SUMF1: variants seen among roughly 807,000 people sequenced by gnomAD.
SUMF1 encodes formylglycine-generating enzyme.
Under a neutral mutation model 47.6 loss-of-function variants are expected in SUMF1, and 48 were observed. That is an observed-to-expected ratio of 1.01 (90% CI 0.80 to 1.28). The LOEUF (loss-of-function observed/expected upper bound fraction) is 1.28. Among genes scored for constraint, SUMF1 ranks in the 50% most tolerant of loss-of-function variants. The pLI is 0.00. For missense variants in SUMF1, 571 were observed against 485.4 expected (o/e 1.18, Z -1.66); for synonymous variants, 230 against 192.1 (o/e 1.20, Z -1.63).
intron 8 of SUMF1, among the ~76,000 whole-genome samples, chr3:4,089,820 C>A (rs1049853894): frequency 4.9e-4 from 74 of 152,054 alleles, no homozygotes; most frequent in Admixed American, 4.1e-3. Context: ...TTAAGATACT[C>A]ATCACATTTC....
intron 8 of SUMF1, among the ~76,000 whole-genome samples, chr3:4,102,108 C>T (rs1434471362): frequency 6.6e-6 from 1 of 152,148 alleles, no homozygotes; most frequent in South Asian, 2.1e-4. Flanking sequence ...GTCCATCCCA[C>T]GATATGTGGA....
chr3:4,273,738 G>GGC (rs1270174136), intron 8 of SUMF1, among the ~76,000 whole-genome samples: 8 of 70,874 alleles, frequency 1.1e-4, no homozygotes, highest in East Asian at 3.2e-4. Context: ...CGGGAGGGAG[G>GGC]ATACGGGAGG....
intron 6 of SUMF1, among the ~76,000 whole-genome samples, chr3:4,416,032 T>A (rs1701700410): frequency 6.6e-6 from 1 of 152,200 alleles, no homozygotes; most frequent in Admixed American, 6.5e-5. Context: ...TCTGTAGTAT[T>A]TTCTTACAGT....
At chr3:4,142,458 G>A (rs1218783589) in intron 8 of SUMF1, among the ~76,000 whole-genome samples, 3 of 152,032 alleles carry the variant, frequency 2.0e-5, no homozygotes, top group Admixed American at 6.6e-5. Context: ...CAGTCTAATA[G>A]GGGATATCAT....
At chr3:4,071,279 C>T (rs529656406) in intron 8 of SUMF1, among the ~76,000 whole-genome samples, 1 of 152,204 alleles carries the variant, frequency 6.6e-6, no homozygotes, top group Non-Finnish European at 1.5e-5. Context: ...GAACCTGGTT[C>T]ATCTCATTGA....
intron 8 of SUMF1, among the ~76,000 whole-genome samples, chr3:4,209,833 C>T (rs1695740633): frequency 6.6e-6 from 1 of 152,080 alleles, no homozygotes; most frequent in East Asian, 1.9e-4. Context: ...CTAAAGACTA[C>T]CACAGATTGC....
intron 8 of SUMF1, among the ~76,000 whole-genome samples, chr3:4,135,731 A>G (rs1402932339): frequency 3.3e-5 from 5 of 152,284 alleles, no homozygotes; most frequent in East Asian, 1.9e-4. Flanking sequence ...AAACCCCATC[A>G]TCTCAGCCCA....
At chr3:4,335,902 A>G (rs976748274) in intron 8 of SUMF1, among the ~76,000 whole-genome samples, 3 of 149,080 alleles carry the variant, frequency 2.0e-5, no homozygotes, top group African/African-American at 5.0e-5. Context: ...AGAGGTTGCA[A>G]TGAACTGAAG....
At chr3:4,349,439 A>C (rs2125152264) in intron 8 of SUMF1, among the ~76,000 whole-genome samples, 1 of 152,352 alleles carries the variant, frequency 6.6e-6, no homozygotes, top group East Asian at 1.9e-4. Flanking sequence ...TTCCCCAAGG[A>C]TCTAGAACCA....
At chr3:4,441,049 C>G (rs758283738) in intron 3 of SUMF1, among the ~76,000 whole-genome samples, 30 of 152,274 alleles carry the variant, frequency 2.0e-4, no homozygotes, top group Non-Finnish European at 4.0e-4. Flanking sequence ...CAAACCAGTA[C>G]TGGTCTGTGG....
chr3:4,309,035 A>T (rs1322988671), intron 8 of SUMF1, among the ~76,000 whole-genome samples: 1 of 152,198 alleles, frequency 6.6e-6, no homozygotes, highest in African/African-American at 2.4e-5. Flanking sequence ...GTCCAGAAAG[A>T]CAGGACAGTT....
chr3:4,075,486 C>G (rs1427872908), intron 8 of SUMF1, among the ~76,000 whole-genome samples: 1 of 151,944 alleles, frequency 6.6e-6, no homozygotes, highest in Non-Finnish European at 1.5e-5. Flanking sequence ...GAAGTTCTGG[C>G]CAGGGCAATT....
At chr3:4,447,061 G>C (rs1033689822) in intron 3 of SUMF1, among the ~76,000 whole-genome samples, 2 of 152,062 alleles carry the variant, frequency 1.3e-5, no homozygotes, top group African/African-American at 4.8e-5. Flanking sequence ...GGGCTGCTGG[G>C]GTAGGCAGAA....
intron 4 of SUMF1, among the ~76,000 whole-genome samples, chr3:4,418,430 G>C (rs546909197): frequency 5.9e-5 from 9 of 152,340 alleles, no homozygotes; most frequent in Non-Finnish European, 4.4e-5. Flanking sequence ...AGATACTCCA[G>C]CTGCTAGGAG....
At chr3:4,273,125 CAT>C (rs746921832) in intron 8 of SUMF1, among the ~76,000 whole-genome samples, 20 of 147,178 alleles carry the variant, frequency 1.4e-4, no homozygotes, top group East Asian at 3.9e-4. Flanking sequence ...TATACACACA[CAT>C]ATATATATAT....
intron 8 of SUMF1, among the ~76,000 whole-genome samples, chr3:4,228,875 A>C (rs1696234746): frequency 6.6e-6 from 1 of 152,088 alleles, no homozygotes; most frequent in Non-Finnish European, 1.5e-5. Context: ...TTGTCTCATA[A>C]ACCTACAATT....
At chr3:4,423,585 G>T (rs1413234628) in intron 3 of SUMF1, among the ~76,000 whole-genome samples, 1 of 152,160 alleles carries the variant, frequency 6.6e-6, no homozygotes, top group Non-Finnish European at 1.5e-5. Context: ...CAAGTCCCAG[G>T]AATCCTCAGA....
chr3:4,453,620 A>G (rs977715403), intron 1 of SUMF1, among the ~76,000 whole-genome samples: 2 of 143,350 alleles, frequency 1.4e-5, no homozygotes, highest in Non-Finnish European at 3.0e-5. Flanking sequence ...TGCAACCTCC[A>G]CCTCCCGGGT....
At chr3:4,281,158 T>C (rs982577648) in intron 8 of SUMF1, among the ~76,000 whole-genome samples, 1 of 151,946 alleles carries the variant, frequency 6.6e-6, no homozygotes, top group Non-Finnish European at 1.5e-5. Context: ...AAGAAGAGCA[T>C]GGTGAAGAGT....
Sources: allele counts gnomAD v4.1 joint callset (sites outside exome capture counted in the v4.1 genomes callset), GRCh38; gene constraint gnomAD v4.1.1; transcripts MANE v1.5; gene names NCBI Gene and HGNC (gene_info 2026-07-23, HGNC 2026-07-21).